NCAM2: variants seen among roughly 807,000 people sequenced by gnomAD.
NCAM2 encodes neural cell adhesion molecule 2, also known as N-CAM-2.
A neutral mutation model predicts 98.1 loss-of-function variants in NCAM2; 30 were observed. That is an observed-to-expected ratio of 0.31 (90% CI 0.23 to 0.41). NCAM2 has a LOEUF of 0.41. Ranked by LOEUF, NCAM2 falls within the 10% of genes least tolerant of loss-of-function variation. The probability of loss-of-function intolerance (pLI) is 1.00; values close to 1 mark genes in which losing one functional copy is unlikely to be tolerated. For synonymous variants in NCAM2, 368 were observed against 342.4 expected, an observed-to-expected ratio of 1.07 and a Z score of -0.83; for missense variants, 867 against 1,005.8, an observed-to-expected ratio of 0.86 and a Z score of 1.87.
chr21:21,475,954 A>G (rs973780124), intron 14 of NCAM2, among the ~76,000 whole-genome samples: 19 of 152,166 alleles, frequency 1.2e-4, no homozygotes, highest in African/African-American at 4.3e-4. Flanking sequence ...CAAAATTACA[A>G]TGTCTTCTTG....
intron 11 of NCAM2, among the ~76,000 whole-genome samples, chr21:21,422,919 A>G (rs940392957): frequency 5.9e-4 from 90 of 152,154 alleles, no homozygotes; most frequent in African/African-American, 2.1e-3. Flanking sequence ...CTTCCTTACA[A>G]TTTTCTACTT....
intron 1 of NCAM2, among the ~76,000 whole-genome samples, chr21:21,123,848 CTTT>C (rs71193401): frequency 2.3e-5 from 2 of 86,666 alleles, no homozygotes; most frequent in Non-Finnish European, 4.0e-5. Context: ...TTCTTGATTG[CTTT>C]TTTTTTTTTT....
chr21:21,452,743 A>G (rs1193708702), intron 12 of NCAM2, among the ~76,000 whole-genome samples: 2 of 108,032 alleles, frequency 1.9e-5, no homozygotes, highest in African/African-American at 3.8e-5. Flanking sequence ...TAATATATAT[A>G]ATATATAATA....
intron 1 of NCAM2, among the ~76,000 whole-genome samples, chr21:21,181,030 A>G (rs148970575): frequency 7.9e-5 from 12 of 152,264 alleles, no homozygotes; most frequent in African/African-American, 1.4e-4. Flanking sequence ...TTTACCTTCA[A>G]TGTTGCTGAA....
intron 1 of NCAM2, among the ~76,000 whole-genome samples, chr21:21,142,300 G>T (rs2826701): frequency 1.3e-5 from 2 of 150,750 alleles, no homozygotes; most frequent in African/African-American, 4.9e-5. Flanking sequence ...GTTTATGTTT[G>T]TGCACATGTG....
intron 8 of NCAM2, among the ~76,000 whole-genome samples, chr21:21,360,964 A>G (rs958249502): frequency 2.6e-5 from 4 of 152,012 alleles, no homozygotes; most frequent in Non-Finnish European, 4.4e-5. Context: ...AAACTCCTCT[A>G]TCATCAAAAA....
At chr21:21,155,800 A>G (rs145264813) in intron 1 of NCAM2, among the ~76,000 whole-genome samples, 2 of 152,140 alleles carry the variant, frequency 1.3e-5, no homozygotes, top group East Asian at 3.9e-4. Flanking sequence ...ATTCTACTCT[A>G]TACAACCATG....
intron 8 of NCAM2, among the ~76,000 whole-genome samples, chr21:21,367,411 T>C (rs951861390): frequency 2.0e-5 from 3 of 151,966 alleles, no homozygotes; most frequent in Non-Finnish European, 4.4e-5. Context: ...ATAGTAGTTA[T>C]TTGTCCTAAT....
intron 11 of NCAM2, 111 bp downstream of exon 11, chr21:21,418,680 C>G: frequency 2.5e-6 from 2 of 806,700 alleles, no homozygotes; most frequent in Non-Finnish European, 4.3e-6. Flanking sequence ...AACAATGGAT[C>G]TCTTGGAGAT....
chr21:21,282,128 T>C (rs1601856390), intron 2 of NCAM2, among the ~76,000 whole-genome samples: 1 of 151,964 alleles, frequency 6.6e-6, no homozygotes, highest in East Asian at 1.9e-4. Flanking sequence ...CACAAGCATA[T>C]AGGTTACTGT....
In NCAM2 at chr21:21,400,597, CTT is replaced by C. The variant is rs59168731; in HGVS notation, c.1196-9662_1196-9661del. On this transcript the variant is annotated intron_variant, in intron 9 of 17. Transcript: ENST00000400546. ...CACTTATTAAAATATTTACCAAAAA[CTT>C]TTTTTTTTTTTTTTGAGATGGAGTC... Among the ~76,000 whole-genome samples, 104 of 137,932 alleles carry C rather than the reference CTT, an allele frequency of 7.5e-4. 1 individual carries two copies. Among genetic ancestry groups the C allele is most frequent in the African/African-American group, 1.3e-3 (48 of 37,352 alleles). The allele number at this position is 137,932 out of a possible 152,430, so 90.5% of individuals were successfully genotyped here.
In NCAM2 at chr21:21,421,824, T is replaced by C. The variant is rs577259741; in HGVS notation, c.1480+3255T>C. On this transcript the variant is annotated intron_variant, in intron 11 of 17. Coordinates refer to ENST00000400546, the MANE Select transcript of NCAM2 (RefSeq NM_004540.5). ...TACCTTACTTCCAAAGGGAATTAAT[T>C]AGAGCCAAAATGTAGTGTGAAATTT... Among the ~76,000 whole-genome samples the C allele has an allele frequency of 4.6e-5, 7 of 152,328 alleles. 1 individual carries two copies. In the South Asian group the frequency reaches 1.4e-3, roughly 32 times the overall value.
At chr21:21,019,722 C>T (rs1271519102) in intron 1 of NCAM2, among the ~76,000 whole-genome samples, 1 of 152,082 alleles carries the variant, frequency 6.6e-6, no homozygotes, top group African/African-American at 2.4e-5. Flanking sequence ...AGTAAAATGT[C>T]AGAATGTTTA....
chr21:21,496,478 G>A (rs959549161), intron 15 of NCAM2, among the ~76,000 whole-genome samples: 1 of 151,902 alleles, frequency 6.6e-6, no homozygotes, highest in African/African-American at 2.4e-5. Context: ...TTTATTGCTG[G>A]TTGATTTAAG....
At chr21:21,093,329 TA>T (rs1211602386) in intron 1 of NCAM2, among the ~76,000 whole-genome samples, 1 of 152,068 alleles carries the variant, frequency 6.6e-6, no homozygotes, top group Non-Finnish European at 1.5e-5. Flanking sequence ...TTACAGATGC[TA>T]TTGGACATTG....
At chr21:21,442,696 A>C (rs1019011694) in intron 12 of NCAM2, among the ~76,000 whole-genome samples, 1 of 152,174 alleles carries the variant, frequency 6.6e-6, no homozygotes, top group Non-Finnish European at 1.5e-5. Flanking sequence ...CCATAGACTG[A>C]GCCATTGTCT....
chr21:21,174,567 A>G (rs1375166911), intron 1 of NCAM2, among the ~76,000 whole-genome samples: 1 of 152,146 alleles, frequency 6.6e-6, no homozygotes, highest in Non-Finnish European at 1.5e-5. Flanking sequence ...CCCACAGACT[A>G]TGTTTCTGGA....
intron 16 of NCAM2, among the ~76,000 whole-genome samples, chr21:21,520,690 A>G (rs1988966012): frequency 6.6e-6 from 1 of 152,212 alleles, no homozygotes; most frequent in Admixed American, 6.5e-5. Context: ...ATGTGGTGTT[A>G]GTGCAAACTA....
At chr21:21,341,477 G>C (rs1343366667) in intron 8 of NCAM2, among the ~76,000 whole-genome samples, 4 of 152,074 alleles carry the variant, frequency 2.6e-5, no homozygotes, top group African/African-American at 7.2e-5. Flanking sequence ...CCAATTAGTT[G>C]ACACCTGATG....
Sources: allele counts gnomAD v4.1 joint callset (sites outside exome capture counted in the v4.1 genomes callset), GRCh38; gene constraint gnomAD v4.1.1; transcripts MANE v1.5; gene names NCBI Gene and HGNC (gene_info 2026-07-23, HGNC 2026-07-21).